CEP85L: variants seen among roughly 807,000 people sequenced by gnomAD.
CEP85L encodes centrosomal protein of 85 kDa-like.
Under a neutral mutation model 100.3 loss-of-function variants are expected in CEP85L, and 60 were observed. That is an observed-to-expected ratio of 0.60 (90% CI 0.49 to 0.74). CEP85L has a LOEUF of 0.74. Ranked by LOEUF, CEP85L falls within the 30% of genes least tolerant of loss-of-function variation. The pLI is 0.00. For synonymous variants in CEP85L, 319 were observed against 322.7 expected, an observed-to-expected ratio of 0.99 and a Z score of 0.12; for missense variants, 973 against 936.2, an observed-to-expected ratio of 1.04 and a Z score of -0.51.
chr6:118,547,687 C>T (rs1025851750), intron 3 of CEP85L, among the ~76,000 whole-genome samples: 6 of 151,948 alleles, frequency 3.9e-5, no homozygotes, highest in Non-Finnish European at 8.8e-5. Flanking sequence ...TTGAAGAAAA[C>T]ACAAATGAAT....
At chr6:118,694,731 T>C (rs577408071) in intron 1 of CEP85L, among the ~76,000 whole-genome samples, 38 of 152,266 alleles carry the variant, frequency 2.5e-4, no homozygotes, top group Admixed American at 1.6e-3. Context: ...GGAGAGTCAA[T>C]GAAATACAGT....
At chr6:118,497,414 G>A (rs745660502) in intron 5 of CEP85L, among the ~76,000 whole-genome samples, 9 of 152,134 alleles carry the variant, frequency 5.9e-5, no homozygotes, top group Admixed American at 1.3e-4. Flanking sequence ...AGATGAGACC[G>A]TCTAGTTGTG....
At chr6:118,625,377 C>A (rs9489478) in intron 2 of CEP85L, among the ~76,000 whole-genome samples, 107,453 of 151,738 alleles carry the variant, frequency 0.71, 38,752 homozygotes, top group African/African-American at 0.75. Context: ...CCCGCCACGC[C>A]CGAGCGCCTA....
upstream of CEP85L, chr6:118,651,759 C>A: frequency 1.0e-6 from 1 of 986,654 alleles, no homozygotes; most frequent in East Asian, 1.1e-4. Context: ...TCCTTGGCGG[C>A]GACTGGGCTG....
At position 118,651,434 on chromosome 6, in the gene CEP85L, A is replaced by G; in HGVS notation, c.-165T>C. The G allele has an allele frequency of 7.5e-7, 1 of 1,335,306 alleles. No individual in the cohort carries two copies. The highest frequency in any genetic ancestry group is 4.1e-5 in the Admixed American group (1 of 24,530). 82.7% of individuals were successfully genotyped at this position (1,335,306 alleles called of 1,614,324 possible). On this transcript the variant is annotated 5_prime_UTR_variant, in exon 1 of 13. Transcript: ENST00000368491. ...CTGCTCAGCTACGGGCGGGGAGCGC[A>G]GGGGCCAGATTCGCCGCACTGCCGG...
chr6:118,596,353 T>C (rs1454271081), intron 2 of CEP85L, among the ~76,000 whole-genome samples: 2 of 152,214 alleles, frequency 1.3e-5, no homozygotes, highest in African/African-American at 4.8e-5. Context: ...GTGGTTATTT[T>C]CCTGAGTGCT....
At chr6:118,608,172 C>A (rs1395619063) in intron 2 of CEP85L, among the ~76,000 whole-genome samples, 1 of 152,076 alleles carries the variant, frequency 6.6e-6, no homozygotes, top group Non-Finnish European at 1.5e-5. Flanking sequence ...TGTTCAATTT[C>A]TTTAAATTTT....
At chr6:118,659,393 G>C (rs4945623) in intron 1 of CEP85L, among the ~76,000 whole-genome samples, 56,552 of 152,032 alleles carry the variant, frequency 0.37, 11,191 homozygotes, top group Non-Finnish European at 0.46. Flanking sequence ...TAATTAATTA[G>C]GTACTTTTTT....
At chr6:118,637,703 CAAAAA>C (rs11388747) in intron 1 of CEP85L, among the ~76,000 whole-genome samples, 3 of 45,426 alleles carry the variant, frequency 6.6e-5, no homozygotes, top group East Asian at 1.1e-3. Context: ...AAGACTGTCT[CAAAAA>C]AAAAAAAAAA....
chr6:118,478,893 G>T (rs2114507922), intron 10 of CEP85L, among the ~76,000 whole-genome samples: 1 of 152,260 alleles, frequency 6.6e-6, no homozygotes, highest in East Asian at 1.9e-4. Flanking sequence ...TAATGTGACA[G>T]TATGTGATAA....
In CEP85L at chr6:118,491,680, A is replaced by C. The variant is rs1197650184; in HGVS notation, c.1437+6T>G. The C allele has an allele frequency of 5.0e-6, 8 of 1,608,102 alleles. No individual in the cohort carries two copies. Among genetic ancestry groups the C allele is most frequent in the Non-Finnish European group, 5.9e-6 (7 of 1,177,274 alleles). ...GACCTAATTCAACTTTATTAGAAAA[A>C]CCTACTTTTTCCTCTAGTTTCTTCT... On this transcript the variant is annotated splice_donor_region_variant and intron_variant, in intron 6 of 12. Transcript: ENST00000368491.
At chr6:118,569,496 T>C (rs1779759074) in intron 2 of CEP85L, among the ~76,000 whole-genome samples, 1 of 148,110 alleles carries the variant, frequency 6.8e-6, no homozygotes, top group Non-Finnish European at 1.5e-5. Context: ...TAAATAAAAA[T>C]AAAAAAATAA....
At chr6:118,608,998 G>A (rs951440265) in intron 2 of CEP85L, among the ~76,000 whole-genome samples, 11 of 152,162 alleles carry the variant, frequency 7.2e-5, no homozygotes, top group African/African-American at 2.7e-4. Context: ...TCTCCTTGGA[G>A]AATAAACTAA....
intron 3 of CEP85L, among the ~76,000 whole-genome samples, chr6:118,525,689 T>C (rs2114797281): frequency 6.6e-6 from 1 of 152,358 alleles, no homozygotes; most frequent in Admixed American, 6.5e-5. Flanking sequence ...TGCCAACACC[T>C]TGATTTCTAA....
At chr6:118,479,628 C>T (rs1263162571) in intron 10 of CEP85L, among the ~76,000 whole-genome samples, 2 of 152,078 alleles carry the variant, frequency 1.3e-5, no homozygotes, top group Non-Finnish European at 2.9e-5. Context: ...CTCTCCAACT[C>T]ACCCCACTAG....
rs76173419 is a variant in CEP85L at position 118,696,567 on chromosome 6, C to T, written c.-28+13469G>A. 9.1e-3 allele frequency among the ~76,000 whole-genome samples: 1,389 copies of T among 152,292 alleles called. 30 individuals are homozygous for T. The highest frequency in any genetic ancestry group is 0.031 in the African/African-American group (1,285 of 41,562). ...TACTCTGCATCCAAGTTGCTGTAGA[C>T]ACTTTGTTCATGAGCCCGTTGAGTG... is the stretch of plus-strand genomic sequence containing the variant. On this transcript the variant is annotated intron_variant, in intron 1 of 13. Transcript: ENST00000368488.
chr6:118,636,037 C>G (rs62422227), intron 1 of CEP85L, among the ~76,000 whole-genome samples: 24,936 of 152,184 alleles, frequency 0.16, 2,171 homozygotes, highest in Non-Finnish European at 0.19. Context: ...GTGGGTCACT[C>G]AATCTCCGTC....
chr6:118,607,686 CTCCCCTAAGTTGGGCCTCTAACCCAA>C (rs1282928759), intron 2 of CEP85L, among the ~76,000 whole-genome samples: 3 of 152,028 alleles, frequency 2.0e-5, no homozygotes, highest in East Asian at 3.9e-4. Context: ...GAGACTCTAA[CTCCCCTAAGTTGGGCCTCTAACCCAA>C]TCCCATCCTT....
chr6:118,565,951 C>G lies in CEP85L; in HGVS notation c.598G>C (p.Gly200Arg), dbSNP rs997270581. ...KALTSQLRTI[G>R]PSCLHDSMEM... ...ATACTATCATGTAAACAGCTAGGCC[C>G]AATTGTCCTCAGTTGTGATGTTAAA... Residue 200 changes from glycine to arginine, a missense_variant, in exon 3 of 13, where the codon GGG (glycine) becomes CGG (arginine). This residue lies in a region of CEP85L where 890 missense variants were observed against 844.5 expected (regional missense o/e 1.05). Transcript: ENST00000368491. The G allele has an allele frequency of 6.2e-7, 1 of 1,614,160 alleles. No homozygotes were observed. The highest frequency in any genetic ancestry group is 1.3e-5 in the African/African-American group (1 of 75,050).
Sources: gnomAD v4.1 joint callset for allele counts (sites outside exome capture counted in the v4.1 genomes callset) on GRCh38, gnomAD v4.1.1 for gene constraint, gnomAD v4.1.1 regional missense constraint, MANE v1.5 for transcripts, NCBI Gene and HGNC (gene_info 2026-07-23, HGNC 2026-07-21) for gene names.